The following CPNE8 variants were observed in gnomAD, a reference collection of about 807,000 sequenced individuals.
CPNE8 encodes the protein copine-8.
CPNE8 carries 45 observed loss-of-function variants against 81.5 expected under a neutral mutation model. The ratio of observed to expected loss-of-function variants is 0.55; its 90% CI spans 0.44 to 0.71. The LOEUF (loss-of-function observed/expected upper bound fraction) is 0.71. Among genes scored for constraint, CPNE8 ranks in the 30% least tolerant of loss-of-function variants. The pLI, the probability that CPNE8 is intolerant of heterozygous loss-of-function variation, is 0.00. For missense variants in CPNE8, 594 were observed against 672.1 expected (o/e 0.88, Z 1.28); for synonymous variants, 252 against 226.3 (o/e 1.11, Z -1.02).
chr12:38,701,361 C>A (rs1939938937), intron 14 of CPNE8, among the ~76,000 whole-genome samples: 1 of 152,216 alleles, frequency 6.6e-6, no homozygotes, highest in African/African-American at 2.4e-5. Context: ...CTTCTCAAAT[C>A]AAAAATGTTT....
chr12:38,792,285 A>G (rs977881357), intron 6 of CPNE8, among the ~76,000 whole-genome samples: 2 of 141,682 alleles, frequency 1.4e-5, no homozygotes, highest in African/African-American at 5.1e-5. Context: ...AAAAATATCA[A>G]TGAAACTAAG....
intron 19 of CPNE8, among the ~76,000 whole-genome samples, chr12:38,658,903 T>A (rs958563268): frequency 1.3e-5 from 2 of 152,112 alleles, no homozygotes; most frequent in African/African-American, 4.8e-5. Context: ...AAGGAAACAC[T>A]AAATATGGAA....
chr12:38,799,900 G>A (rs1214203121), intron 6 of CPNE8, among the ~76,000 whole-genome samples: 3 of 151,866 alleles, frequency 2.0e-5, no homozygotes, highest in South Asian at 2.1e-4. Flanking sequence ...TGTGACTGAC[G>A]CACCTGGAAA....
chr12:38,794,649 A>AT (rs1435155465), intron 6 of CPNE8, among the ~76,000 whole-genome samples: 1 of 145,638 alleles, frequency 6.9e-6, no homozygotes, highest in East Asian at 2.3e-4. Context: ...AAAAACTACT[A>AT]TAAAAAAAAA....
At chr12:38,779,479 C>T (rs142674098) in intron 6 of CPNE8, among the ~76,000 whole-genome samples, 13 of 152,138 alleles carry the variant, frequency 8.5e-5, no homozygotes, top group South Asian at 4.1e-4. Flanking sequence ...AAAAATAAAT[C>T]GCTGCCTTAA....
rs561781547 is a variant in CPNE8, at chr12:38,820,972, T to C, written c.407+8407A>G. ...CAACCTTTCACCAATCCTTGTGAAA[T>C]CAACCTTCAGAACATATTTTTCATC... On this transcript the variant is annotated intron_variant, in intron 6 of 19. Coordinates refer to ENST00000331366, the MANE Select transcript of CPNE8 (RefSeq NM_153634.3). 2.6e-5 allele frequency among the ~76,000 whole-genome samples: 4 copies of C among 152,310 alleles called. No homozygotes were observed. In the South Asian group the frequency reaches 8.3e-4, roughly 32 times the overall value.
intron 6 of CPNE8, among the ~76,000 whole-genome samples, chr12:38,809,412 G>A (rs1408498096): frequency 6.6e-6 from 1 of 152,100 alleles, no homozygotes; most frequent in Non-Finnish European, 1.5e-5. Context: ...CCTTTAAAGG[G>A]TCACATGATT....
intron 19 of CPNE8, among the ~76,000 whole-genome samples, chr12:38,663,879 A>G (rs1424700904): frequency 6.6e-6 from 1 of 152,166 alleles, no homozygotes; most frequent in Non-Finnish European, 1.5e-5. Flanking sequence ...GCACAGAAAA[A>G]TAAATACCAC....
intron 6 of CPNE8, among the ~76,000 whole-genome samples, chr12:38,806,007 A>T (rs1479310546): frequency 6.7e-6 from 1 of 150,370 alleles, no homozygotes; most frequent in Non-Finnish European, 1.5e-5. Context: ...ATCTAGAAGA[A>T]ATGGATAAAT....
rs1421393423 is a variant in CPNE8, at chr12:38,756,026, C to T, written c.722+4821G>A. ...CTGCACTCCAGCCTGGGCGACAGAG[C>T]GAGACTCCGTCTCAAAAAAAAAAAA... On this transcript the variant is annotated intron_variant, in intron 10 of 19. Coordinates refer to ENST00000331366, the MANE Select transcript of CPNE8 (RefSeq NM_153634.3). Among the ~76,000 whole-genome samples the T allele has an allele frequency of 4.2e-3, 453 of 106,600 alleles. 1 individual carries two copies. In the Middle Eastern group the frequency reaches 0.06, roughly 14 times the overall value. The allele number at this position is 106,600 out of a possible 152,430, so 69.9% of individuals were successfully genotyped here.
chr12:38,858,879 T>C (rs552505780), intron 3 of CPNE8, among the ~76,000 whole-genome samples: 12 of 152,290 alleles, frequency 7.9e-5, no homozygotes, highest in African/African-American at 2.9e-4. Flanking sequence ...ACCATCTCAA[T>C]AGACACAGAA....
intron 6 of CPNE8, among the ~76,000 whole-genome samples, chr12:38,778,910 T>C (rs78265012): frequency 2.6e-5 from 4 of 152,188 alleles, no homozygotes; most frequent in African/African-American, 7.2e-5. Context: ...ACCAGGGTCA[T>C]TGCACATGTC....
intron 5 of CPNE8, among the ~76,000 whole-genome samples, chr12:38,831,513 T>A (rs1417327452): frequency 6.6e-6 from 1 of 152,178 alleles, no homozygotes; most frequent in Non-Finnish European, 1.5e-5. Context: ...AAAACCATAC[T>A]TGCACATGAG....
At chr12:38,795,866 T>TA (rs1491254604) in intron 6 of CPNE8, among the ~76,000 whole-genome samples, 302 of 134,234 alleles carry the variant, frequency 2.2e-3, no homozygotes, top group East Asian at 7.7e-3. Context: ...GATGGATGGA[T>TA]GGATAGATAG....
Position 38,653,873 on chromosome 12 carries a change from A to G in CPNE8, c.*9T>C, listed in dbSNP as rs376667383. The G allele has an allele frequency of 6.2e-6, 10 of 1,608,822 alleles. No individual in the cohort carries two copies. In the African/African-American group the frequency reaches 1.3e-4, roughly 22 times the overall value. On this transcript the variant is annotated 3_prime_UTR_variant, in exon 20 of 20. Coordinates refer to ENST00000331366, the MANE Select transcript of CPNE8 (RefSeq NM_153634.3). ...GATTTGTAGTTGACATTAGCATTTC[A>G]GAGCACAGTCATATTTGAGTCTGTA...
intron 7 of CPNE8, among the ~76,000 whole-genome samples, chr12:38,775,702 G>A (rs1384544601): frequency 6.6e-6 from 1 of 152,126 alleles, no homozygotes; most frequent in East Asian, 1.9e-4. Context: ...TAAAAATACA[G>A]AGTATGCACT....
Position 38,902,282 on chromosome 12 carries a change from A to AG in CPNE8, c.98+3154dup, listed in dbSNP as rs1491396147. On this transcript the variant is annotated intron_variant, in intron 1 of 19. Coordinates refer to ENST00000331366, the MANE Select transcript of CPNE8 (RefSeq NM_153634.3). ...AAAGAAAGAAAGAAAAAGAAAAGAA[A>AG]GAAGGAAGGAAGGAAAGGAAGGAAG... 3.4e-4 allele frequency among the ~76,000 whole-genome samples: 48 copies of AG among 141,118 alleles called. 9 individuals are homozygous for AG. Among genetic ancestry groups the AG allele is most frequent in the African/African-American group, 1.3e-3 (48 of 36,044 alleles). The allele number at this position is 141,118 out of a possible 152,430, so 92.6% of individuals were successfully genotyped here.
At chr12:38,820,020 A>G (rs1565634335) in intron 6 of CPNE8, among the ~76,000 whole-genome samples, 2 of 152,174 alleles carry the variant, frequency 1.3e-5, no homozygotes, top group African/African-American at 4.8e-5. Context: ...GGAGCAATAA[A>G]TTTCACTGTA....
In CPNE8 at chr12:38,654,046, C is replaced by G; in HGVS notation, c.1531G>C (p.Asp511His). Residue 511 changes from aspartate (D) to histidine (H), a missense_variant, in exon 20 of 20, where the codon GAC (aspartate) becomes CAC (histidine). Transcript: ENST00000331366. ...CTCAGTATGTGGTTTCCACTTCTGT[C>G]AATATAATCCCTGAATGGCACAAAC... The part of the protein sequence containing the change: ...VQFVPFRDYI[D>H]RSGNHILSMA... The G allele has an allele frequency of 6.2e-7, 1 of 1,607,448 alleles. No homozygotes were observed. The highest frequency in any genetic ancestry group is 8.5e-7 in the Non-Finnish European group (1 of 1,177,276).
Sources: gnomAD v4.1 joint callset for allele counts (sites outside exome capture counted in the v4.1 genomes callset) on GRCh38, gnomAD v4.1.1 for gene constraint, MANE v1.5 for transcripts, NCBI Gene and HGNC (gene_info 2026-07-23, HGNC 2026-07-21) for gene names.